Variants in DMD observed in about 807,000 individuals in gnomAD.
DMD encodes the protein dystrophin.
Under a neutral mutation model 330.1 loss-of-function variants are expected in DMD, and 63 were observed. The ratio of observed to expected loss-of-function variants is 0.19; its 90% CI spans 0.16 to 0.24. DMD has a LOEUF of 0.24. Ranked by LOEUF, DMD falls within the 10% of genes least tolerant of loss-of-function variation. The probability of loss-of-function intolerance (pLI) is 1.00; values close to 1 mark genes in which losing one functional copy is unlikely to be tolerated. For synonymous variants in DMD, 1,223 were observed against 959.8 expected (o/e 1.27, Z -5.07); for missense variants, 3,344 against 2,684.1 (o/e 1.25, Z -5.43).
chrX:31,609,160 GGA>G (rs2148282747), intron 55 of DMD, among the ~76,000 whole-genome samples: 1 of 110,941 alleles, frequency 9.0e-6, no homozygotes, highest in Non-Finnish European at 1.9e-5. Flanking sequence ...TCTTGTATAA[GGA>G]ATTAAAAGAC....
At chrX:31,731,740 T>A (rs1260181115) in intron 51 of DMD, among the ~76,000 whole-genome samples, 1 of 111,771 alleles carries the variant, frequency 8.9e-6, no homozygotes, top group Non-Finnish European at 1.9e-5. Flanking sequence ...TTATCTTTAT[T>A]GGGTTGTTCT....
Position 32,410,068 on chromosome X carries a change from G to A in DMD, c.4233+1684C>T, listed in dbSNP as rs112914229. ...GGAATAGTTAATTCTAGAGAACCTG[G>A]CTTGTGTAAGTTTGAAAAATATATA... On this transcript the variant is annotated intron_variant, in intron 30 of 78. Coordinates refer to ENST00000357033, the MANE Select transcript of DMD (RefSeq NM_004006.3). 2.6e-3 allele frequency among the ~76,000 whole-genome samples: 291 copies of A among 111,401 alleles called. 1 individual carries two copies. Among genetic ancestry groups the A allele is most frequent in the African/African-American group, 9.1e-3 (280 of 30,715 alleles).
intron 61 of DMD, among the ~76,000 whole-genome samples, chrX:31,333,752 A>AT (rs1284511574): frequency 2.8e-5 from 3 of 108,996 alleles, no homozygotes; most frequent in Non-Finnish European, 5.7e-5. Context: ...TCCCTATCAA[A>AT]TTGCCCTCAT....
intron 62 of DMD, among the ~76,000 whole-genome samples, chrX:31,301,345 G>A (rs1344921206): frequency 9.0e-6 from 1 of 111,673 alleles, no homozygotes; most frequent in Admixed American, 9.5e-5. Flanking sequence ...AGTTTATAAA[G>A]CAAAGAGGTT....
intron 44 of DMD, among the ~76,000 whole-genome samples, chrX:32,145,863 T>C (rs1027747234): frequency 8.9e-6 from 1 of 112,105 alleles, no homozygotes; most frequent in Non-Finnish European, 1.9e-5. Context: ...TATTATTTTA[T>C]TTTACTAATT....
At chrX:32,885,552 G>C (rs1053425567) in intron 2 of DMD, among the ~76,000 whole-genome samples, 15 of 111,487 alleles carry the variant, frequency 1.3e-4, no homozygotes, top group African/African-American at 4.9e-4. Flanking sequence ...AAGTGATCAT[G>C]TTATCACTAA....
intron 62 of DMD, among the ~76,000 whole-genome samples, chrX:31,293,468 G>A (rs2053931798): frequency 9.0e-6 from 1 of 110,947 alleles, no homozygotes; most frequent in Non-Finnish European, 1.9e-5. Context: ...GAAATACTAT[G>A]GGTAATGATT....
At chrX:33,178,360 G>A (rs2049789965) in intron 1 of DMD, among the ~76,000 whole-genome samples, 1 of 111,566 alleles carries the variant, frequency 9.0e-6, no homozygotes, top group African/African-American at 3.3e-5. Context: ...CTGGGTCCTT[G>A]ACCACCATGG....
At chrX:31,316,271 C>T (rs2056002503) in intron 62 of DMD, among the ~76,000 whole-genome samples, 1 of 112,166 alleles carries the variant, frequency 8.9e-6, no homozygotes, top group Admixed American at 9.5e-5. Flanking sequence ...TAAATTGACA[C>T]ACAAATACTA....
At chrX:32,605,252 T>G (rs1247569278) in intron 12 of DMD, among the ~76,000 whole-genome samples, 1 of 110,230 alleles carries the variant, frequency 9.1e-6, no homozygotes, top group Non-Finnish European at 1.9e-5. Context: ...AAACCACATA[T>G]CTATGACCAA....
intron 44 of DMD, among the ~76,000 whole-genome samples, chrX:32,006,910 T>C (rs773263084): frequency 1.0e-4 from 11 of 108,795 alleles, no homozygotes; most frequent in African/African-American, 3.4e-4. Flanking sequence ...GAGTTCATGT[T>C]CTTTGTAGAG....
At chrX:33,252,766 A>C (rs1001249767) in intron 1 of DMD, among the ~76,000 whole-genome samples, 1 of 111,775 alleles carries the variant, frequency 8.9e-6, no homozygotes, top group Non-Finnish European at 1.9e-5. Context: ...ATACATACAC[A>C]CACATTTAGA....
intron 11 of DMD, among the ~76,000 whole-genome samples, chrX:32,639,082 T>G (rs1056685955): frequency 3.6e-5 from 4 of 111,920 alleles, no homozygotes; most frequent in Admixed American, 9.5e-5. Flanking sequence ...TGCTTTCATT[T>G]TTTTCCCTTA....
intron 43 of DMD, among the ~76,000 whole-genome samples, chrX:32,239,146 G>A (rs978802159): frequency 1.8e-5 from 2 of 111,215 alleles, no homozygotes; most frequent in Non-Finnish European, 3.8e-5. Context: ...TTCCTTATTT[G>A]TGACAACGAA....
At chrX:31,436,714 A>G (rs1462316380) in intron 60 of DMD, among the ~76,000 whole-genome samples, 3 of 111,795 alleles carry the variant, frequency 2.7e-5, no homozygotes, top group African/African-American at 9.7e-5. Context: ...ATTTAAATTT[A>G]TACTCTCCTT....
At chrX:32,208,722 T>C (rs1006958060) in intron 44 of DMD, among the ~76,000 whole-genome samples, 2 of 112,227 alleles carry the variant, frequency 1.8e-5, no homozygotes, top group African/African-American at 6.5e-5. Context: ...AAGGAGCTCT[T>C]AGTCAGCTCT....
chrX:32,315,148 C>G (rs113145193), intron 41 of DMD, among the ~76,000 whole-genome samples: 1 of 111,555 alleles, frequency 9.0e-6, no homozygotes, highest in Non-Finnish European at 1.9e-5. Context: ...CAAATGCCCA[C>G]CAGTGATAGA....
chrX:31,681,447 G>A (rs1348581463), intron 52 of DMD, among the ~76,000 whole-genome samples: 3 of 112,416 alleles, frequency 2.7e-5, no homozygotes, highest in Non-Finnish European at 5.6e-5. Context: ...ACCCTGAGAA[G>A]AGCAATAACC....
chrX:32,940,850 CAACAGAGT>C (rs1256364845), intron 2 of DMD, among the ~76,000 whole-genome samples: 2 of 111,669 alleles, frequency 1.8e-5, no homozygotes, highest in South Asian at 3.7e-4. Context: ...AAGAAACTAT[CAACAGAGT>C]AACAGACAAC....
Sources: gnomAD v4.1 joint callset for allele counts (sites outside exome capture counted in the v4.1 genomes callset) on GRCh38, gnomAD v4.1.1 for gene constraint, MANE v1.5 for transcripts, NCBI Gene and HGNC (gene_info 2026-07-23, HGNC 2026-07-21) for gene names.